SLC15A5: variants seen among roughly 807,000 people sequenced by gnomAD.
SLC15A5 encodes solute carrier family 15 member 5.
In SLC15A5, 58 loss-of-function variants were observed where a neutral mutation model predicts 56.1. The ratio of observed to expected loss-of-function variants is 1.03; its 90% CI spans 0.84 to 1.29. SLC15A5 has a LOEUF of 1.29. Ranked by LOEUF, SLC15A5 falls within the 50% of genes most tolerant of loss-of-function variation. The pLI is 0.00. For synonymous variants in SLC15A5, 264 were observed against 250.5 expected (o/e 1.05, Z -0.51); for missense variants, 681 against 672.1 (o/e 1.01, Z -0.15).
intron 2 of SLC15A5, among the ~76,000 whole-genome samples, chr12:16,266,031 T>C (rs539037061): frequency 6.6e-6 from 1 of 152,280 alleles, no homozygotes; most frequent in East Asian, 1.9e-4. Context: ...AACCTCTCAA[T>C]AATTGGCCTA....
intron 5 of SLC15A5, among the ~76,000 whole-genome samples, chr12:16,226,867 A>T (rs1864247041): frequency 6.6e-6 from 1 of 152,196 alleles, no homozygotes; most frequent in African/African-American, 2.4e-5. Context: ...GTGGAGGCAA[A>T]CTTTAGCTTG....
At chr12:16,212,912 G>A (rs1447827389) in intron 7 of SLC15A5, among the ~76,000 whole-genome samples, 1 of 152,144 alleles carries the variant, frequency 6.6e-6, no homozygotes, top group African/African-American at 2.4e-5. Flanking sequence ...AAAGAACTGT[G>A]AGGAGTAGAA....
chr12:16,229,684 A>ACACC (rs3028520), intron 5 of SLC15A5, among the ~76,000 whole-genome samples: 7 of 147,444 alleles, frequency 4.7e-5, no homozygotes, highest in Non-Finnish European at 6.0e-5. Context: ...ACACACACAC[A>ACACC]ATCTTAAATA....
chr12:16,230,683 G>T (rs902156780), intron 5 of SLC15A5, among the ~76,000 whole-genome samples: 4 of 151,670 alleles, frequency 2.6e-5, no homozygotes, highest in African/African-American at 9.7e-5. Flanking sequence ...GGAGGCCGAG[G>T]CGGGTGGATC....
intron 6 of SLC15A5, 110 bp from the exon 7 acceptor site, chr12:16,217,134 A>T: frequency 8.1e-7 from 1 of 1,234,530 alleles, no homozygotes; most frequent in East Asian, 2.6e-5. Flanking sequence ...CTGATACAAT[A>T]AAAATTTGGG....
intron 7 of SLC15A5, among the ~76,000 whole-genome samples, chr12:16,205,436 T>C (rs1364508562): frequency 6.6e-6 from 1 of 151,036 alleles, no homozygotes; most frequent in African/African-American, 2.4e-5. Flanking sequence ...GAATAAGTTA[T>C]GTACTTAATG....
chr12:16,216,752 C>A lies in SLC15A5; in HGVS notation c.1483+141G>T, dbSNP rs1591645042. On this transcript the variant is annotated intron_variant, in intron 7 of 8. Coordinates refer to ENST00000344941, the MANE Select transcript of SLC15A5 (RefSeq NM_001170798.1). ...AATGAATACAGCAAGAGTGTATTTC[C>A]TATCTTAATTCTATCTTAATTGCAA... 22 of 705,652 alleles carry A rather than the reference C, an allele frequency of 3.1e-5. No homozygotes were observed. The East Asian group carries it at 6.3e-4, about 20-fold the overall frequency. The allele number at this position is 705,652 out of a possible 1,614,324, so 43.7% of individuals were successfully genotyped here.
chr12:16,272,674 T>C lies in SLC15A5; in HGVS notation c.471A>G (p.Val157=). 6.5e-7 allele frequency: 1 copy of C among 1,537,156 alleles called. No individual in the cohort carries two copies. Among genetic ancestry groups the C allele is most frequent in the Non-Finnish European group, 8.7e-7 (1 of 1,146,760 alleles). ...TGCCAAGGCAAATGGTCAGCAGTGC[T>C]ACATAAAACAGCCTGTGCTGCTCTG... ...PKTEQHRLFY[V]ALLTICLGIG... is the part of the protein sequence containing the mutation. The change falls in exon 2 of 9, where the codon GTA becomes GTG. Residue 157 remains valine (V), a synonymous_variant. Transcript: ENST00000344941.
Position 16,269,103 on chromosome 12 carries a change from G to A in SLC15A5, c.584+3458C>T, listed in dbSNP as rs1864723606. On this transcript the variant is annotated intron_variant, in intron 2 of 8. Coordinates refer to ENST00000344941, the MANE Select transcript of SLC15A5 (RefSeq NM_001170798.1). This position sits in a 1 kb window ranked among gnomAD's most constrained non-coding sequence, Gnocchi z 4.7. ...CCAGAACCCTGATCTCAGAATTCTG[G>A]CCTCCAGAGCTGTGAAAAATAAATT... Among the ~76,000 whole-genome samples, 2 of 151,912 alleles carry A rather than the reference G, an allele frequency of 1.3e-5. No individual in the cohort carries two copies. The highest frequency in any genetic ancestry group is 2.9e-5 in the Non-Finnish European group (2 of 68,008).
intron 3 of SLC15A5, among the ~76,000 whole-genome samples, chr12:16,246,480 G>A (rs1234292992): frequency 6.6e-6 from 1 of 152,148 alleles, no homozygotes; most frequent in Middle Eastern, 3.2e-3. Context: ...TTAACTTCCT[G>A]ACATTTCCTT....
At chr12:16,249,489 C>A (rs558387226) in intron 3 of SLC15A5, among the ~76,000 whole-genome samples, 7 of 151,980 alleles carry the variant, frequency 4.6e-5, no homozygotes, top group African/African-American at 1.4e-4. Context: ...TTTTATAGAG[C>A]CTTGTGTAAA....
intron 2 of SLC15A5, among the ~76,000 whole-genome samples, chr12:16,260,459 A>G (rs879672553): frequency 6.0e-5 from 9 of 149,614 alleles, no homozygotes; most frequent in Non-Finnish European, 1.0e-4. Context: ...GGCTCTTCTC[A>G]TATTGGCTAA....
chr12:16,238,491 G>C (rs147118058), intron 5 of SLC15A5, among the ~76,000 whole-genome samples: 86 of 152,060 alleles, frequency 5.7e-4, no homozygotes, highest in African/African-American at 1.7e-3. Context: ...TTAGCCAGGC[G>C]TGGTGGTGGG....
In SLC15A5 at chr12:16,189,074, G is replaced by A. The variant is rs769628829; in HGVS notation, c.*594C>T. The stretch of plus-strand genomic sequence containing the variant: ...TTATTTTTCAACTTTTTTAGTATGC[G>A]GACATTCTCTTTGTTAAGGACATCT... On this transcript the variant is annotated 3_prime_UTR_variant, in exon 9 of 9. Transcript: ENST00000344941. The A allele has an allele frequency of 1.3e-5, 2 of 151,676 alleles. No individual in the cohort carries two copies. The highest frequency in any genetic ancestry group is 2.4e-5 in the African/African-American group (1 of 41,246). The allele number at this position is 151,676 out of a possible 1,614,324, so 9.4% of individuals were successfully genotyped here. A position where few individuals can be genotyped will look rare whatever the true frequency, so the allele number is the denominator to read the frequency against.
At chr12:16,225,859 G>A (rs977427241) in intron 5 of SLC15A5, among the ~76,000 whole-genome samples, 2 of 152,194 alleles carry the variant, frequency 1.3e-5, no homozygotes, top group African/African-American at 4.8e-5. Flanking sequence ...ATATCCAGAC[G>A]CCAGTGATCT....
chr12:16,240,449 G>T (rs1452482690), intron 4 of SLC15A5, among the ~76,000 whole-genome samples: 1 of 151,586 alleles, frequency 6.6e-6, no homozygotes, highest in East Asian at 1.9e-4. Context: ...AGTAACAGGG[G>T]GAGGAAAAAA....
At chr12:16,261,525 CTGT>C (rs1201727209) in intron 2 of SLC15A5, among the ~76,000 whole-genome samples, 1 of 152,112 alleles carries the variant, frequency 6.6e-6, no homozygotes, top group Non-Finnish European at 1.5e-5. Flanking sequence ...ACAAATAACG[CTGT>C]TAAGAACATT....
In SLC15A5 at chr12:16,239,880, G is replaced by A. The variant is rs979887159; in HGVS notation, c.976-13C>T. On this transcript the variant is annotated splice_polypyrimidine_tract_variant and intron_variant, in intron 4 of 8. Coordinates refer to ENST00000344941, the MANE Select transcript of SLC15A5 (RefSeq NM_001170798.1). ...ATCCTGAAGGAATCTGTATTCGAGA[G>A]GGAAACATCCATGCATTAAGACAGG... The A allele has an allele frequency of 1.6e-5, 25 of 1,533,658 alleles. No individual in the cohort carries two copies. Among genetic ancestry groups the A allele is most frequent in the African/African-American group, 2.7e-5 (2 of 72,912 alleles).
At position 16,237,813 on chromosome 12, in the gene SLC15A5, CATTTCACA is replaced by C. The variant is rs971608830; in HGVS notation, c.1162+1860_1162+1867del. Among the ~76,000 whole-genome samples, 7 of 152,126 alleles carry C rather than the reference CATTTCACA, an allele frequency of 4.6e-5. No individual in the cohort carries two copies. The highest frequency in any genetic ancestry group is 4.6e-4 in the Admixed American group (7 of 15,260). ...TGTACAAAACTGCTGAGATTTTTGG[CATTTCACA>C]ATATGATTTTACTCCTATTTTGTCC... On this transcript the variant is annotated intron_variant, in intron 5 of 8. Coordinates refer to ENST00000344941, the MANE Select transcript of SLC15A5 (RefSeq NM_001170798.1). This position sits in a 1 kb window ranked among gnomAD's most constrained non-coding sequence, Gnocchi z 4.1.
Sources: allele counts gnomAD v4.1 joint callset (sites outside exome capture counted in the v4.1 genomes callset), GRCh38; gene constraint gnomAD v4.1.1; non-coding constraint Gnocchi (gnomAD v3.1); transcripts MANE v1.5; gene names NCBI Gene and HGNC (gene_info 2026-07-23, HGNC 2026-07-21).